ATF2: variants seen among roughly 807,000 people sequenced by gnomAD.
ATF2 encodes cyclic AMP-dependent transcription factor ATF-2.
ATF2 carries 24 observed loss-of-function variants against 60.6 expected under a neutral mutation model. The ratio of observed to expected loss-of-function variants is 0.40; its 90% confidence interval spans 0.29 to 0.56. ATF2 has a LOEUF of 0.56. ATF2 is among the 20% of genes least tolerant of loss of function. The probability of loss-of-function intolerance (pLI) is 0.54; values close to 1 mark genes in which losing one functional copy is unlikely to be tolerated. For synonymous variants in ATF2, 206 were observed against 215.4 expected (o/e 0.96, Z 0.38); for missense variants, 433 against 607.7 (o/e 0.71, Z 3.02).
At chr2:175,134,838 C>T (rs1698020204) in intron 3 of ATF2, among the ~76,000 whole-genome samples, 1 of 151,160 alleles carries the variant, frequency 6.6e-6, no homozygotes, top group Admixed American at 6.6e-5. Context: ...TTAAAACAGC[C>T]ACTTGTGGTA....
rs76819363 is a variant in ATF2 at position 175,104,026 on chromosome 2, A to C, written c.829-6433T>G. Reference sequence around the variant, plus strand: ...GCTTAAAGTTCTTAAAAATTAAAAAATACAAGCTTACTCTGAAGACTTTTT... The same window carrying C: ...GCTTAAAGTTCTTAAAAATTAAAAACTACAAGCTTACTCTGAAGACTTTTT... On this transcript the variant is annotated intron_variant, in intron 10 of 13. Coordinates refer to ENST00000264110, the MANE Select transcript of ATF2 (RefSeq NM_001880.4). Among the ~76,000 whole-genome samples, 91 of 152,000 alleles carry C rather than the reference A, an allele frequency of 6.0e-4. 1 individual carries two copies. In the South Asian group the frequency reaches 0.011, roughly 18 times the overall value.
chr2:175,138,505 G>A (rs915588113), intron 2 of ATF2, among the ~76,000 whole-genome samples: 2 of 152,132 alleles, frequency 1.3e-5, no homozygotes, highest in African/African-American at 4.8e-5. Flanking sequence ...TATACTTTGA[G>A]AGATACAAAT....
At chr2:175,155,926 T>C (rs956689856) in intron 1 of ATF2, among the ~76,000 whole-genome samples, 3 of 152,192 alleles carry the variant, frequency 2.0e-5, no homozygotes, top group Non-Finnish European at 4.4e-5. Flanking sequence ...CTTTAAAATG[T>C]ACAAGGGTAG....
intron 1 of ATF2, among the ~76,000 whole-genome samples, chr2:175,164,734 T>C (rs1035485293): frequency 5.3e-5 from 8 of 152,318 alleles, no homozygotes; most frequent in Middle Eastern, 6.8e-3. Flanking sequence ...CATTAAAACT[T>C]ACATAAAGAG....
chr2:175,142,704 A>AGTGT (rs1698637556), intron 2 of ATF2, among the ~76,000 whole-genome samples: 1 of 122,320 alleles, frequency 8.2e-6, no homozygotes, highest in African/African-American at 2.9e-5. Flanking sequence ...AGAGAGAGAG[A>AGTGT]GAGAGAGAGA....
Position 175,149,598 on chromosome 2 carries a change from A to G in ATF2, c.-44+1462T>C, listed in dbSNP as rs541109588. On this transcript the variant is annotated intron_variant, in intron 2 of 13. Coordinates refer to ENST00000264110, the MANE Select transcript of ATF2 (RefSeq NM_001880.4). ...AGAAAACTGGCACAAGCTACTGCTA[A>G]GTTGAAGGGAGAATAATGGTCTGAA... is the stretch of plus-strand genomic sequence containing the variant. Among the ~76,000 whole-genome samples the G allele has an allele frequency of 2.0e-5, 3 of 152,316 alleles. No individual in the cohort carries two copies. In the East Asian group the frequency reaches 5.8e-4, roughly 29 times the overall value.
At chr2:175,087,963 C>A (rs537678355) in intron 12 of ATF2, among the ~76,000 whole-genome samples, 2 of 152,286 alleles carry the variant, frequency 1.3e-5, no homozygotes, top group African/African-American at 4.8e-5. Flanking sequence ...AAGACAATGT[C>A]TTTTTCGCTG....
chr2:175,083,176 C>A (rs1693885525), intron 12 of ATF2, among the ~76,000 whole-genome samples: 1 of 151,762 alleles, frequency 6.6e-6, no homozygotes, highest in African/African-American at 2.4e-5. Context: ...CAAAAAAGAG[C>A]CTGCATCGCC....
intron 13 of ATF2, among the ~76,000 whole-genome samples, chr2:175,076,880 T>C (rs1027280628): frequency 1.3e-5 from 2 of 152,112 alleles, no homozygotes; most frequent in Admixed American, 6.6e-5. Flanking sequence ...ATATGCCATG[T>C]TGGTGTGCTG....
chr2:175,167,220 T>G (rs570407015), intron 1 of ATF2, among the ~76,000 whole-genome samples: 2 of 151,798 alleles, frequency 1.3e-5, no homozygotes, highest in South Asian at 4.2e-4. Flanking sequence ...CGAGCGAACA[T>G]AGAAAACACG....
rs909029948 is a variant in ATF2, at chr2:175,073,004, T to C, written c.*1605A>G. 3.9e-5 allele frequency: 6 copies of C among 152,156 alleles called. No homozygotes were observed. Among genetic ancestry groups the C allele is most frequent in the African/African-American group, 1.4e-4 (6 of 41,458 alleles). 9.4% of individuals were successfully genotyped at this position (152,156 alleles called of 1,614,324 possible). On this transcript the variant is annotated 3_prime_UTR_variant, in exon 14 of 14. Coordinates refer to ENST00000264110, the MANE Select transcript of ATF2 (RefSeq NM_001880.4). ...TCATTAGGAGATGGCACTGAGACTT[T>C]AGCAAATAGTGTAGTATGGATGCAG...
intron 2 of ATF2, among the ~76,000 whole-genome samples, chr2:175,139,990 A>G (rs1286952370): frequency 6.6e-6 from 1 of 152,248 alleles, no homozygotes; most frequent in African/African-American, 2.4e-5. Context: ...TGCCATACCA[A>G]TGTGTGTAAA....
At chr2:175,122,013 A>T (rs997205685) in intron 4 of ATF2, among the ~76,000 whole-genome samples, 5 of 151,944 alleles carry the variant, frequency 3.3e-5, no homozygotes, top group African/African-American at 1.2e-4. Flanking sequence ...AAATTTAGAA[A>T]TAAATCTGAT....
At chr2:175,109,886 G>A (rs768521536) in intron 10 of ATF2, among the ~76,000 whole-genome samples, 3 of 152,052 alleles carry the variant, frequency 2.0e-5, no homozygotes, top group Admixed American at 1.3e-4. Context: ...TTTCCTCCTT[G>A]GGTTTTTAGG....
intron 3 of ATF2, among the ~76,000 whole-genome samples, chr2:175,134,862 G>A (rs372931780): frequency 3.3e-5 from 5 of 151,856 alleles, no homozygotes; most frequent in Non-Finnish European, 5.9e-5. Context: ...TCGTGGTAGC[G>A]TCATGGTGGT....
chr2:175,163,088 C>T (rs975892241), intron 1 of ATF2, among the ~76,000 whole-genome samples: 1 of 151,722 alleles, frequency 6.6e-6, no homozygotes, highest in African/African-American at 2.4e-5. Context: ...GAGCCAAGAT[C>T]GTGCCACTGC....
At chr2:175,142,163 CTTCCTCT>C (rs1449173059) in intron 2 of ATF2, among the ~76,000 whole-genome samples, 1 of 150,950 alleles carries the variant, frequency 6.6e-6, no homozygotes, top group Non-Finnish European at 1.5e-5. Context: ...AAAGTGAAGG[CTTCCTCT>C]TTCCAGTTTT....
intron 12 of ATF2, among the ~76,000 whole-genome samples, chr2:175,086,442 T>G (rs1188908624): frequency 6.6e-6 from 1 of 152,160 alleles, no homozygotes. Context: ...CTAGTAAGTA[T>G]AAGCATATGC....
In ATF2 at chr2:175,073,205, A is replaced by G. The variant is rs1693056546; in HGVS notation, c.*1404T>C. 1 of 152,170 alleles carries G rather than the reference A, an allele frequency of 6.6e-6. No homozygotes were observed. The allele number at this position is 152,170 out of a possible 1,614,324, so 9.4% of individuals were successfully genotyped here. On this transcript the variant is annotated 3_prime_UTR_variant, in exon 14 of 14. Transcript: ENST00000264110. ...CAATTTATTCTATTTTAAAATATGT[A>G]CTGTATTTTGAACATAACTGCAGAA...
Sources: gnomAD v4.1 joint callset for allele counts (sites outside exome capture counted in the v4.1 genomes callset) on GRCh38, gnomAD v4.1.1 for gene constraint, MANE v1.5 for transcripts, NCBI Gene and HGNC (gene_info 2026-07-23, HGNC 2026-07-21) for gene names.